FBXL17: variants seen among roughly 807,000 people sequenced by gnomAD.
The protein encoded by FBXL17 is F-box and leucine rich repeat protein 17.
FBXL17 carries 22 observed loss-of-function variants against 66.2 expected under a neutral mutation model. The observed-to-expected ratio is 0.33, with a 90% CI of 0.24 to 0.47. FBXL17 has a LOEUF of 0.47. FBXL17 is among the 20% of genes least tolerant of loss of function. The pLI is 1.00. For missense variants in FBXL17, 878 were observed against 948.2 expected (o/e 0.93, Z 0.97); for synonymous variants, 474 against 400.5 (o/e 1.18, Z -2.19).
intron 6 of FBXL17, among the ~76,000 whole-genome samples, chr5:108,178,965 T>C (rs575608765): frequency 6.6e-6 from 1 of 152,312 alleles, no homozygotes; most frequent in Non-Finnish European, 1.5e-5. Flanking sequence ...TTGTTCCCCT[T>C]GGGCAATCTT....
In FBXL17 at chr5:107,945,851, G is replaced by T. The variant is rs115291051; in HGVS notation, c.1823-64672C>A. ...TTTAAGCTAAGGTATACTGATGTTT[G>T]TATACTATTCTCCATGTTTTGCTGA... is the stretch of plus-strand genomic sequence containing the variant. On this transcript the variant is annotated intron_variant, in intron 7 of 8. Transcript: ENST00000542267. Among the ~76,000 whole-genome samples, 952 of 152,122 alleles carry T rather than the reference G, an allele frequency of 6.3e-3. 10 individuals carry two copies. Among genetic ancestry groups the T allele is most frequent in the African/African-American group, 0.022 (900 of 41,492 alleles).
At chr5:107,965,352 T>G (rs998415318) in intron 7 of FBXL17, among the ~76,000 whole-genome samples, 1 of 152,178 alleles carries the variant, frequency 6.6e-6, no homozygotes, top group Non-Finnish European at 1.5e-5. Flanking sequence ...AAAATGGTCT[T>G]TTCATGGGAT....
chr5:108,350,622 G>A (rs547648407), intron 3 of FBXL17, among the ~76,000 whole-genome samples: 57 of 152,110 alleles, frequency 3.7e-4, no homozygotes, highest in Non-Finnish European at 4.4e-4. Context: ...GAAAGGATTA[G>A]GATGAAAATG....
chr5:108,231,817 A>G (rs944512604), intron 4 of FBXL17, among the ~76,000 whole-genome samples: 1 of 152,202 alleles, frequency 6.6e-6, no homozygotes, highest in African/African-American at 2.4e-5. Flanking sequence ...CATACAGGAT[A>G]CAGGAATGCA....
At position 108,364,532 on chromosome 5, in the gene FBXL17, C is replaced by T. The variant is rs146807024; in HGVS notation, c.1374+206G>A. 2.6e-4 allele frequency among the ~76,000 whole-genome samples: 39 copies of T among 152,040 alleles called. 1 individual carries two copies. The Middle Eastern group carries it at 0.01, about 40-fold the overall frequency. On this transcript the variant is annotated intron_variant, in intron 3 of 8. Coordinates refer to ENST00000542267, the MANE Select transcript of FBXL17 (RefSeq NM_001163315.3). The stretch of plus-strand genomic sequence containing the variant: ...ATGGCTGGTCACAGAAGTTCAGGCT[C>T]TCACTATAAAACAAAGCAGTTAATT...
chr5:108,277,260 T>C (rs966419748), intron 4 of FBXL17, among the ~76,000 whole-genome samples: 1 of 152,188 alleles, frequency 6.6e-6, no homozygotes, highest in African/African-American at 2.4e-5. Flanking sequence ...GTTCACCATA[T>C]TTCTCCTCCC....
intron 1 of FBXL17, among the ~76,000 whole-genome samples, chr5:108,377,353 G>C (rs1749512758): frequency 6.6e-6 from 1 of 152,090 alleles, no homozygotes; most frequent in South Asian, 2.1e-4. Flanking sequence ...ACCCCAACTG[G>C]CACTACAACC....
At chr5:108,208,480 A>C (rs1024803571) in intron 5 of FBXL17, among the ~76,000 whole-genome samples, 1 of 152,090 alleles carries the variant, frequency 6.6e-6, no homozygotes, top group East Asian at 1.9e-4. Flanking sequence ...TCTTGAGTTG[A>C]TTTTTGTATA....
chr5:108,208,444 G>A (rs181639956), intron 5 of FBXL17, among the ~76,000 whole-genome samples: 89 of 152,274 alleles, frequency 5.8e-4, no homozygotes, highest in Middle Eastern at 3.4e-3. Flanking sequence ...TATGGACCTA[G>A]GTCTTACGTT....
intron 6 of FBXL17, among the ~76,000 whole-genome samples, chr5:108,064,459 A>G (rs1468401618): frequency 6.6e-6 from 1 of 152,160 alleles, no homozygotes; most frequent in African/African-American, 2.4e-5. Context: ...ACAAGCAGGG[A>G]TGGAGATGCC....
At chr5:108,110,103 G>A (rs1031106340) in intron 6 of FBXL17, among the ~76,000 whole-genome samples, 13 of 151,998 alleles carry the variant, frequency 8.6e-5, no homozygotes, top group African/African-American at 1.2e-4. Flanking sequence ...GGGTGTGCCC[G>A]TAGCTCACAC....
chr5:108,172,192 T>C (rs1000533284), intron 6 of FBXL17, among the ~76,000 whole-genome samples: 2 of 152,208 alleles, frequency 1.3e-5, no homozygotes, highest in Non-Finnish European at 2.9e-5. Context: ...CTTCATGTGA[T>C]TTCTTATTCT....
intron 4 of FBXL17, among the ~76,000 whole-genome samples, chr5:108,225,842 A>G (rs902324975): frequency 6.6e-6 from 1 of 152,210 alleles, no homozygotes; most frequent in Non-Finnish European, 1.5e-5. Context: ...CAATTATCCC[A>G]GCATTTCAGC....
At chr5:108,230,833 G>A (rs1755305522) in intron 4 of FBXL17, among the ~76,000 whole-genome samples, 1 of 151,772 alleles carries the variant, frequency 6.6e-6, no homozygotes, top group Non-Finnish European at 1.5e-5. Context: ...ACTACAAATA[G>A]GGTGCAGTGT....
chr5:108,219,795 T>G (rs1754771788), intron 5 of FBXL17, among the ~76,000 whole-genome samples: 1 of 152,164 alleles, frequency 6.6e-6, no homozygotes, highest in African/African-American at 2.4e-5. Context: ...TTGGCAAGTT[T>G]TTTTTGATCA....
intron 6 of FBXL17, among the ~76,000 whole-genome samples, chr5:108,105,461 T>C (rs1429206339): frequency 6.6e-6 from 1 of 152,214 alleles, no homozygotes; most frequent in Non-Finnish European, 1.5e-5. Flanking sequence ...TTTGAAGATA[T>C]TAGATCTTGC....
intron 4 of FBXL17, among the ~76,000 whole-genome samples, chr5:108,244,652 T>C (rs1756012932): frequency 6.6e-6 from 1 of 152,154 alleles, no homozygotes; most frequent in Non-Finnish European, 1.5e-5. Flanking sequence ...AGAAATCACT[T>C]AATGAAAATC....
At chr5:108,105,889 T>A (rs1439703398) in intron 6 of FBXL17, among the ~76,000 whole-genome samples, 1 of 152,274 alleles carries the variant, frequency 6.6e-6, no homozygotes, top group Non-Finnish European at 1.5e-5. Context: ...GAAATATGCA[T>A]CAAAGAGAGA....
intron 7 of FBXL17, among the ~76,000 whole-genome samples, chr5:108,006,620 A>G (rs1297284797): frequency 1.3e-5 from 2 of 152,228 alleles, no homozygotes; most frequent in African/African-American, 4.8e-5. Flanking sequence ...TGATGCTTTG[A>G]AAACAGTGAT....
Sources: gnomAD v4.1 joint callset for allele counts (sites outside exome capture counted in the v4.1 genomes callset) on GRCh38, gnomAD v4.1.1 for gene constraint, MANE v1.5 for transcripts, NCBI Gene and HGNC (gene_info 2026-07-23, HGNC 2026-07-21) for gene names.